Variants in BEST4 observed in about 807,000 individuals in gnomAD.
The protein encoded by BEST4 is bestrophin-4.
A neutral mutation model predicts 47.1 loss-of-function variants in BEST4; 36 were observed. The ratio of observed to expected loss-of-function variants is 0.76; its 90% CI spans 0.59 to 1.01. The LOEUF is 1.01. Among genes scored for constraint, BEST4 ranks in the 50% least tolerant of loss-of-function variants. BEST4 has a pLI of 0.00. For synonymous variants in BEST4, 250 were observed against 277.8 expected, an observed-to-expected ratio of 0.90 and a Z score of 1.00; for missense variants, 550 against 648.6, an observed-to-expected ratio of 0.85 and a Z score of 1.65.
upstream of BEST4, among the ~76,000 whole-genome samples, chr1:44,791,497 C>G (rs748574725): frequency 1.3e-5 from 2 of 152,046 alleles, no homozygotes; most frequent in Non-Finnish European, 2.9e-5. Flanking sequence ...AATCCTGCAC[C>G]GCCACCCGCA....
downstream of BEST4, among the ~76,000 whole-genome samples, chr1:44,783,279 G>T (rs1376100436): frequency 2.0e-5 from 3 of 152,178 alleles, no homozygotes; most frequent in South Asian, 6.2e-4. Flanking sequence ...ACTTACATCA[G>T]CCGAGTGCCC....
In BEST4 at chr1:44,784,411, C is replaced by T. The variant is rs1651140369; in HGVS notation, c.1221G>A (p.Ala407=). ...SPGSGRPAPA[A]QTPLLGRFLG... is the part of the protein sequence containing the mutation. ...GGAAGCGGCCGAGCAACGGGGTCTG[C>T]GCGGCGGGCGCGGGCCGACCAGATC... is the stretch of plus-strand genomic sequence containing the variant. Residue 407 remains alanine, a synonymous_variant, in exon 9 of 9, where the codon GCG becomes GCA. Transcript: ENST00000372207. This position sits in a 1 kb window ranked among gnomAD's most constrained non-coding sequence, Gnocchi z 6.2. 1 of 1,391,292 alleles carries T rather than the reference C, an allele frequency of 7.2e-7. No individual in the cohort carries two copies. Among genetic ancestry groups the T allele is most frequent in the Non-Finnish European group, 9.2e-7 (1 of 1,081,158 alleles). The allele number at this position is 1,391,292 out of a possible 1,614,324, so 86.2% of individuals were successfully genotyped here.
Position 44,785,261 on chromosome 1 carries a change from A to G in BEST4, c.759T>C (p.Val253=). 1 of 1,612,110 alleles carries G rather than the reference A, an allele frequency of 6.2e-7. No homozygotes were observed. Among genetic ancestry groups the G allele is most frequent in the Non-Finnish European group, 8.5e-7 (1 of 1,179,096 alleles). ...CCTCTGGCTCCACAAACTGGCGGCC[A>G]ACCAGGGAGAGGGCAAAGAAAGAGT... The part of the protein sequence containing the change: ...AVYSFFALSL[V]GRQFVEPEAG... The change falls in exon 6 of 9, where the codon GTT becomes GTC. Residue 253 remains valine, a synonymous_variant. Transcript: ENST00000372207.
chr1:44,785,260 C>A lies in BEST4; in HGVS notation c.760G>T (p.Gly254Cys). The A allele has an allele frequency of 6.2e-7, 1 of 1,612,132 alleles. No homozygotes were observed. Reference protein sequence around the residue: ...VYSFFALSLVGRQFVEPEAGA... With the variant: ...VYSFFALSLVCRQFVEPEAGA... ...GCCTCTGGCTCCACAAACTGGCGGC[C>A]AACCAGGGAGAGGGCAAAGAAAGAG... is the stretch of plus-strand genomic sequence containing the variant. Residue 254 changes from glycine to cysteine, a missense_variant, in exon 6 of 9, where the codon GGC (glycine) becomes TGC (cysteine). By Grantham distance (159) the Gly-to-Cys change is radical. This residue lies in a region of BEST4 where 291 missense variants were observed against 342.4 expected (regional missense o/e 0.85). Transcript: ENST00000372207.
At position 44,784,559 on chromosome 1, in the gene BEST4, C is replaced by G; in HGVS notation, c.1148+70G>C. On this transcript the variant is annotated intron_variant, in intron 8 of 8. Transcript: ENST00000372207. The surrounding 1 kb of genome is among the most constrained non-coding windows in gnomAD (Gnocchi z 6.2). ...GCGGGATCGGCTCTCGGGGAAGGAC[C>G]GAGGCATCGGTGCCCCAGAGGCTGA... 2 of 1,542,574 alleles carry G rather than the reference C, an allele frequency of 1.3e-6. No individual in the cohort carries two copies. The highest frequency in any genetic ancestry group is 1.4e-5 in the African/African-American group (1 of 73,234).
upstream of BEST4, among the ~76,000 whole-genome samples, chr1:44,790,411 A>G (rs1224650975): frequency 1.3e-5 from 2 of 152,084 alleles, no homozygotes; most frequent in African/African-American, 4.8e-5. Context: ...TAGTAGGTGT[A>G]TATGCCTAGC....
rs906037415 is a variant in BEST4 at position 44,784,364 on chromosome 1, G to A, written c.1268C>T (p.Pro423Leu). 8 of 1,390,596 alleles carry A rather than the reference G, an allele frequency of 5.8e-6. No individual in the cohort carries two copies. The highest frequency in any genetic ancestry group is 7.4e-6 in the Non-Finnish European group (8 of 1,081,974). 86.1% of individuals were successfully genotyped at this position (1,390,596 alleles called of 1,614,324 possible). ...GRFLGVGAPS[P>L]AISLRNFGRV... ...GCCGAAGTTCCGGAGGCTGATGGCC[G>A]GGGAGGGCGCCCCTACGCCCAGGAA... The change falls in exon 9 of 9, where the codon CCG (proline) becomes CTG (leucine). Residue 423 changes from proline to leucine, a missense_variant. By Grantham distance (98) the Pro-to-Leu change is moderately conservative (BLOSUM62 -3). Transcript: ENST00000372207. This position sits in a 1 kb window ranked among gnomAD's most constrained non-coding sequence, Gnocchi z 6.2.
At position 44,786,470 on chromosome 1, in the gene BEST4, C is replaced by T; in HGVS notation, c.474G>A (p.Val158=). 3 of 1,521,978 alleles carry T rather than the reference C, an allele frequency of 2.0e-6. No individual in the cohort carries two copies. The highest frequency in any genetic ancestry group is 2.6e-6 in the Non-Finnish European group (3 of 1,132,494). The allele number at this position is 1,521,978 out of a possible 1,614,324, so 94.3% of individuals were successfully genotyped here. The change falls in exon 3 of 9, where the codon GTG becomes GTA. Residue 158 remains valine (V), a synonymous_variant. Transcript: ENST00000372207. This position sits in a 1 kb window ranked among gnomAD's most constrained non-coding sequence, Gnocchi z 4.9. ...LKRFPTMEHV[V]DAGFMSQEER... Reference sequence around the variant, plus strand: ...TCCCGGCGGGCGGCGCACCTGCGTCCACCACGTGCTCCATGGTGGGGAAGC... The same window carrying T: ...TCCCGGCGGGCGGCGCACCTGCGTCTACCACGTGCTCCATGGTGGGGAAGC...
At position 44,786,154 on chromosome 1, in the gene BEST4, C is replaced by G; in HGVS notation, c.556G>C (p.Val186Leu). The G allele has an allele frequency of 6.2e-7, 1 of 1,614,078 alleles. No individual in the cohort carries two copies. The highest frequency in any genetic ancestry group is 8.5e-7 in the Non-Finnish European group (1 of 1,179,998). The change falls in exon 4 of 9, where the codon GTC becomes CTC. Residue 186 changes from valine to leucine, a missense_variant. Val to Leu is a conservative substitution (Grantham distance 32). This residue lies in a region of BEST4 where 291 missense variants were observed against 342.4 expected (regional missense o/e 0.85). Coordinates refer to ENST00000372207, the MANE Select transcript of BEST4 (RefSeq NM_153274.3). The surrounding 1 kb of genome is among the most constrained non-coding windows in gnomAD (Gnocchi z 4.9). ...TGGGCCGCCAGGTTGGTGAACCAGA[C>G]GCAGGGGACCCAGTACTTGTTGAAG... Reference protein sequence around the residue: ...SDFNKYWVPCVWFTNLAAQAR... With the variant: ...SDFNKYWVPCLWFTNLAAQAR...
chr1:44,789,268 G>GAAAGAA (rs148288916), upstream of BEST4, among the ~76,000 whole-genome samples: 119 of 141,952 alleles, frequency 8.4e-4, no homozygotes, highest in Non-Finnish European at 1.4e-3. Flanking sequence ...AGAAAAGAAA[G>GAAAGAA]AAAGAAAAAG....
upstream of BEST4, among the ~76,000 whole-genome samples, chr1:44,792,586 C>A (rs776887398): frequency 6.6e-6 from 1 of 152,100 alleles, no homozygotes; most frequent in Non-Finnish European, 1.5e-5. Flanking sequence ...TCTCTTATTT[C>A]AGGTTGGCTT....
rs1651301270 is a variant in BEST4 at position 44,787,748 on chromosome 1, A to G, written c.-43T>C. On this transcript the variant is annotated 5_prime_UTR_variant, in exon 1 of 9. Transcript: ENST00000372207. ...GCAGGAGGTCACAAGAGTTGCCCCC[A>G]GGGCTGTCGTTTAGTTCTCCAGACA... is the stretch of plus-strand genomic sequence containing the variant. 1.2e-6 allele frequency: 2 copies of G among 1,610,498 alleles called. No homozygotes were observed. Among genetic ancestry groups the G allele is most frequent in the Admixed American group, 1.7e-5 (1 of 59,800 alleles).
chr1:44,792,370 T>A (rs1205531808), upstream of BEST4, among the ~76,000 whole-genome samples: 5 of 145,902 alleles, frequency 3.4e-5, no homozygotes, highest in African/African-American at 1.3e-4. Context: ...GAGGTTACAG[T>A]GAGCCCCAAT....
In BEST4 at chr1:44,786,604, C is replaced by T. The variant is rs1473207314; in HGVS notation, c.340G>A (p.Val114Met). Residue 114 changes from valine (V) to methionine (M), a missense_variant, in exon 3 of 9, where the codon GTG becomes ATG. Transcript: ENST00000372207. The surrounding 1 kb of genome is among the most constrained non-coding windows in gnomAD (Gnocchi z 4.9). ...CGGCCCCGCTGGTCCACGCCGTGCA[C>T]GCTAGCCGAGATGACGCACATCAGC... ...DQLMCVISASVHGVDQRGRLL... is the reference protein window; with the variant it reads ...DQLMCVISASMHGVDQRGRLL... 1.3e-6 allele frequency: 2 copies of T among 1,551,180 alleles called. No individual in the cohort carries two copies. Among genetic ancestry groups the T allele is most frequent in the Non-Finnish European group, 1.7e-6 (2 of 1,147,006 alleles).
rs375067026 is a variant in BEST4, at chr1:44,785,610, C to G, written c.703G>C (p.Val235Leu). 3.6e-5 allele frequency: 53 copies of G among 1,473,732 alleles called. No homozygotes were observed. Among genetic ancestry groups the G allele is most frequent in the Non-Finnish European group, 4.7e-5 (52 of 1,108,034 alleles). The allele number at this position is 1,473,732 out of a possible 1,614,324, so 91.3% of individuals were successfully genotyped here. ...FHYDWISIPL[V>L]YTQVVTIAVY... ...GGAGAGGCAGTTACTTGGGTGTAGA[C>G]GAGGGGGATGCTGATCCAGTCATAG... The change falls in exon 5 of 9, where the codon GTC becomes CTC. Residue 235 changes from valine (V) to leucine (L), a missense_variant. Transcript: ENST00000372207.
downstream of BEST4, among the ~76,000 whole-genome samples, chr1:44,782,786 C>G (rs892018796): frequency 8.5e-5 from 13 of 152,166 alleles, no homozygotes; most frequent in Admixed American, 7.9e-4. Context: ...TAGTGTCCCC[C>G]CTCTGTCTTC....
chr1:44,782,609 G>A (rs1434466845), downstream of BEST4, among the ~76,000 whole-genome samples: 1 of 151,546 alleles, frequency 6.6e-6, no homozygotes, highest in Admixed American at 6.6e-5. Flanking sequence ...CAGCCTGGGT[G>A]ACAGTGCAAG....
chr1:44,792,099 G>A (rs1651426269), upstream of BEST4, among the ~76,000 whole-genome samples: 1 of 152,114 alleles, frequency 6.6e-6, no homozygotes, highest in Non-Finnish European at 1.5e-5. Context: ...AAAATTAGCT[G>A]AGCATGGTGG....
rs763602126 is a variant in BEST4, at chr1:44,787,366, C to G, written c.247+6G>C. Reference sequence around the variant, plus strand: ...GGACACAGGGAAAACTAGAAGGGAGCCTTACCCAATACAAAGGACAAGGGA... The same window carrying G: ...GGACACAGGGAAAACTAGAAGGGAGGCTTACCCAATACAAAGGACAAGGGA... On this transcript the variant is annotated splice_donor_region_variant and intron_variant, in intron 2 of 8. Transcript: ENST00000372207. The G allele has an allele frequency of 1.2e-6, 2 of 1,613,890 alleles. No homozygotes were observed. Among genetic ancestry groups the G allele is most frequent in the South Asian group, 2.2e-5 (2 of 91,084 alleles).
Sources: allele counts gnomAD v4.1 joint callset (sites outside exome capture counted in the v4.1 genomes callset), GRCh38; gene constraint gnomAD v4.1.1; regional missense constraint gnomAD v4.1.1; non-coding constraint Gnocchi (gnomAD v3.1); transcripts MANE v1.5; gene names NCBI Gene and HGNC (gene_info 2026-07-23, HGNC 2026-07-21).